Variants in FBXL7 observed in about 807,000 individuals in gnomAD.
The protein encoded by FBXL7 is F-box/LRR-repeat protein 7.
FBXL7 carries 12 observed loss-of-function variants against 38.3 expected under a neutral mutation model. That is an observed-to-expected ratio of 0.31 (90% confidence interval 0.20 to 0.51). FBXL7 has a LOEUF of 0.51. Ranked by LOEUF, FBXL7 falls within the 20% of genes least tolerant of loss-of-function variation. FBXL7 has a pLI of 0.98. For missense variants in FBXL7, 567 were observed against 676.4 expected (o/e 0.84, Z 1.79); for synonymous variants, 297 against 300.9 (o/e 0.99, Z 0.13).
At chr5:15,608,041 T>G (rs1740088705) in intron 1 of FBXL7, among the ~76,000 whole-genome samples, 1 of 152,226 alleles carries the variant, frequency 6.6e-6, no homozygotes, top group Admixed American at 6.5e-5. Flanking sequence ...TGTAAAGCAG[T>G]TAGAAAGAGT....
chr5:15,633,904 C>T (rs1290010217), intron 2 of FBXL7, among the ~76,000 whole-genome samples: 1 of 151,926 alleles, frequency 6.6e-6, no homozygotes, highest in Non-Finnish European at 1.5e-5. Flanking sequence ...CCTCAGCCTC[C>T]CGAGTACCTG....
chr5:15,790,458 G>A (rs1737245152), intron 2 of FBXL7, among the ~76,000 whole-genome samples: 1 of 152,066 alleles, frequency 6.6e-6, no homozygotes, highest in South Asian at 2.1e-4. Context: ...GAAGTGCCTG[G>A]CGAATTCTTC....
chr5:15,936,887 G>A lies in FBXL7; in HGVS notation c.1177G>A (p.Gly393Ser), dbSNP rs760945887. Residue 393 changes from glycine to serine, a missense_variant, in exon 4 of 4, where the codon GGT becomes AGT. By Grantham distance (56) the Gly-to-Ser change is moderately conservative. Coordinates refer to ENST00000504595, the MANE Select transcript of FBXL7 (RefSeq NM_012304.5). The surrounding 1 kb of genome is among the most constrained non-coding windows in gnomAD (Gnocchi z 6.0). ...GGGCTGCGAGGGCATCACGGACCAC[G>A]GTGTGGAGTACCTCGCCAAGAACTG... ...ARGCEGITDH[G>S]VEYLAKNCTK... is the part of the protein sequence containing the mutation. 1.2e-6 allele frequency: 2 copies of A among 1,614,002 alleles called. No individual in the cohort carries two copies. The highest frequency in any genetic ancestry group is 2.2e-5 in the East Asian group (1 of 44,866).
chr5:15,933,158 C>T (rs1265809343), intron 3 of FBXL7, among the ~76,000 whole-genome samples: 8 of 152,122 alleles, frequency 5.3e-5, no homozygotes, highest in Admixed American at 5.2e-4. Flanking sequence ...CTTTTCATCC[C>T]AAACCTAGCA....
At chr5:15,568,520 T>G (rs1738662441) in intron 1 of FBXL7, among the ~76,000 whole-genome samples, 1 of 151,868 alleles carries the variant, frequency 6.6e-6, no homozygotes, top group South Asian at 2.1e-4. Flanking sequence ...TTGCAAAAAT[T>G]TTCTCCCATT....
At chr5:15,604,886 G>A (rs4295390) in intron 1 of FBXL7, among the ~76,000 whole-genome samples, 97,218 of 151,822 alleles carry the variant, frequency 0.64, 31,489 homozygotes, top group South Asian at 0.71. Context: ...GGCAATAAGG[G>A]GAATCCCCTA....
intron 2 of FBXL7, among the ~76,000 whole-genome samples, chr5:15,718,086 C>T (rs957045064): frequency 6.6e-6 from 1 of 151,922 alleles, no homozygotes; most frequent in African/African-American, 2.4e-5. Flanking sequence ...CAGAGTCAGT[C>T]ACAAGATCTA....
At chr5:15,931,931 T>G (rs561929574) in intron 3 of FBXL7, among the ~76,000 whole-genome samples, 1 of 152,338 alleles carries the variant, frequency 6.6e-6, no homozygotes, top group South Asian at 2.1e-4. Context: ...GGTTTTTTTC[T>G]GGGTGTCTGC....
intron 2 of FBXL7, among the ~76,000 whole-genome samples, chr5:15,864,267 A>G (rs776932896): frequency 6.6e-6 from 1 of 151,782 alleles, no homozygotes; most frequent in East Asian, 2.0e-4. Flanking sequence ...TACCCAGTCT[A>G]GGTATTCCTT....
chr5:15,923,830 G>A (rs976775723), intron 2 of FBXL7, among the ~76,000 whole-genome samples: 1 of 152,050 alleles, frequency 6.6e-6, no homozygotes, highest in Non-Finnish European at 1.5e-5. Flanking sequence ...ACAGGTTTTA[G>A]AAATCCACTT....
intron 2 of FBXL7, among the ~76,000 whole-genome samples, chr5:15,631,816 A>G (rs1392134913): frequency 1.3e-5 from 2 of 151,942 alleles, no homozygotes; most frequent in Non-Finnish European, 2.9e-5. Flanking sequence ...GGGAGAGAAA[A>G]CTTTATAACA....
chr5:15,667,234 T>G (rs1428220193), intron 2 of FBXL7, among the ~76,000 whole-genome samples: 1 of 152,178 alleles, frequency 6.6e-6, no homozygotes, highest in East Asian at 1.9e-4. Context: ...TTTCTTTTTA[T>G]GGTGATAATG....
intron 2 of FBXL7, among the ~76,000 whole-genome samples, chr5:15,889,086 A>C (rs1740798865): frequency 6.6e-6 from 1 of 152,108 alleles, no homozygotes; most frequent in Admixed American, 6.6e-5. Context: ...AAGCAGAAAA[A>C]AGTGGGGCGG....
rs527647888 is a variant in FBXL7, at chr5:15,855,423, G to A, written c.128-72467G>A. Among the ~76,000 whole-genome samples, 13 of 152,212 alleles carry A rather than the reference G, an allele frequency of 8.5e-5. 1 individual carries two copies. The highest frequency in any genetic ancestry group is 3.1e-4 in the African/African-American group (13 of 41,544). On this transcript the variant is annotated intron_variant, in intron 2 of 3. Coordinates refer to ENST00000504595, the MANE Select transcript of FBXL7 (RefSeq NM_012304.5). ...TGTTTTATAGATGGATTGAGACACAGTGGACACCCATACTTTTATTCTGGA... is the reference window on the plus strand; with the variant it reads ...TGTTTTATAGATGGATTGAGACACAATGGACACCCATACTTTTATTCTGGA...
intron 2 of FBXL7, among the ~76,000 whole-genome samples, chr5:15,673,184 C>T (rs1321373938): frequency 4.6e-5 from 7 of 151,944 alleles, no homozygotes; most frequent in African/African-American, 1.2e-4. Flanking sequence ...GGCCTGGTGG[C>T]GGGCACCTGT....
chr5:15,548,256 C>G (rs141726306), intron 1 of FBXL7, among the ~76,000 whole-genome samples: 3 of 152,114 alleles, frequency 2.0e-5, no homozygotes, highest in African/African-American at 7.2e-5. Flanking sequence ...ACATTTTGAA[C>G]AATGATGCTT....
At chr5:15,573,978 A>C (rs1738876345) in intron 1 of FBXL7, among the ~76,000 whole-genome samples, 1 of 152,216 alleles carries the variant, frequency 6.6e-6, no homozygotes, top group Non-Finnish European at 1.5e-5. Flanking sequence ...TCTTACATTC[A>C]GTATATTGCT....
At chr5:15,707,174 G>A (rs866909733) in intron 2 of FBXL7, among the ~76,000 whole-genome samples, 3 of 70,392 alleles carry the variant, frequency 4.3e-5, no homozygotes, top group Non-Finnish European at 4.9e-5. Context: ...TTTTCTTTTC[G>A]TTTTTTTTTT....
At chr5:15,773,456 C>A (rs975282415) in intron 2 of FBXL7, among the ~76,000 whole-genome samples, 5 of 151,874 alleles carry the variant, frequency 3.3e-5, no homozygotes, top group African/African-American at 1.2e-4. Flanking sequence ...CCAGCCTGGG[C>A]AACATAGCAA....
Sources: allele counts gnomAD v4.1 joint callset (sites outside exome capture counted in the v4.1 genomes callset), GRCh38; gene constraint gnomAD v4.1.1; non-coding constraint Gnocchi (gnomAD v3.1); transcripts MANE v1.5; gene names NCBI Gene and HGNC (gene_info 2026-07-23, HGNC 2026-07-21).